LSAMP: variants seen among roughly 807,000 people sequenced by gnomAD.
LSAMP encodes the protein limbic system associated membrane protein.
A neutral mutation model predicts 38.6 loss-of-function variants in LSAMP; 7 were observed. That is an observed-to-expected ratio of 0.18 (90% CI 0.10 to 0.34). LSAMP has a LOEUF of 0.34. Among genes scored for constraint, LSAMP ranks in the 10% least tolerant of loss-of-function variants. The probability of loss-of-function intolerance (pLI) is 1.00; values close to 1 mark genes in which losing one functional copy is unlikely to be tolerated. For synonymous variants in LSAMP, 154 were observed against 166.8 expected, an observed-to-expected ratio of 0.92 and a Z score of 0.59; for missense variants, 313 against 420.0, an observed-to-expected ratio of 0.75 and a Z score of 2.23.
intron 1 of LSAMP, among the ~76,000 whole-genome samples, chr3:116,308,228 T>A (rs1290204117): frequency 6.6e-6 from 1 of 151,954 alleles, no homozygotes; most frequent in African/African-American, 2.4e-5. Flanking sequence ...CAGGACAAGC[T>A]CCCTCTAGAC....
At chr3:115,879,396 C>G (rs1936265976) in intron 3 of LSAMP, among the ~76,000 whole-genome samples, 1 of 152,064 alleles carries the variant, frequency 6.6e-6, no homozygotes. Flanking sequence ...AAGTTCCACT[C>G]CAGTCACTGA....
intron 3 of LSAMP, among the ~76,000 whole-genome samples, chr3:115,876,278 CTTTT>C (rs58536199): frequency 5.7e-5 from 7 of 123,262 alleles, no homozygotes; most frequent in African/African-American, 2.0e-4. Context: ...AAGGAAAAAG[CTTTT>C]TTTTTTTTTT....
chr3:116,421,121 G>A (rs922762340), intron 1 of LSAMP, among the ~76,000 whole-genome samples: 1 of 152,032 alleles, frequency 6.6e-6, no homozygotes, highest in Non-Finnish European at 1.5e-5. Flanking sequence ...TTTGAGTCTA[G>A]GCAAAAAGTT....
chr3:116,033,970 A>G (rs1277420945), intron 2 of LSAMP, among the ~76,000 whole-genome samples: 5 of 152,070 alleles, frequency 3.3e-5, no homozygotes, highest in Admixed American at 3.3e-4. Flanking sequence ...TAGCTTTTCC[A>G]TAGGGTCTGG....
At chr3:116,234,961 A>G (rs972177142) in intron 1 of LSAMP, among the ~76,000 whole-genome samples, 1 of 152,192 alleles carries the variant, frequency 6.6e-6, no homozygotes, top group Non-Finnish European at 1.5e-5. Context: ...GAAGTCCTAT[A>G]AGAAAGACTT....
intron 1 of LSAMP, among the ~76,000 whole-genome samples, chr3:116,397,483 C>T (rs1436875777): frequency 6.7e-6 from 1 of 148,736 alleles, no homozygotes; most frequent in Admixed American, 6.9e-5. Flanking sequence ...CACTATCTAA[C>T]ATAATATTTA....
rs1933609634 is a variant in LSAMP, at chr3:115,805,465, T to C, written c.*4852A>G. The C allele has an allele frequency of 6.6e-6, 1 of 152,234 alleles. No individual in the cohort carries two copies. Among genetic ancestry groups the C allele is most frequent in the South Asian group, 2.1e-4 (1 of 4,836 alleles). 9.4% of individuals were successfully genotyped at this position (152,234 alleles called of 1,614,324 possible). A position where few individuals can be genotyped will look rare whatever the true frequency, so the allele number is the denominator to read the frequency against. ...CATGAAAAATGAAGTTTACATAGTT[T>C]ATATTATGTACATAAACTAGTGATT... On this transcript the variant is annotated 3_prime_UTR_variant, in exon 7 of 7. Coordinates refer to ENST00000490035, the MANE Select transcript of LSAMP (RefSeq NM_002338.5).
chr3:115,915,226 G>C (rs1937224897), intron 3 of LSAMP, among the ~76,000 whole-genome samples: 1 of 152,162 alleles, frequency 6.6e-6, no homozygotes, highest in Non-Finnish European at 1.5e-5. Flanking sequence ...ACTTTTCTGA[G>C]ACAACTCCCA....
At chr3:116,115,217 G>A (rs1459711065) in intron 1 of LSAMP, among the ~76,000 whole-genome samples, 1 of 152,242 alleles carries the variant, frequency 6.6e-6, no homozygotes, top group African/African-American at 2.4e-5. Flanking sequence ...GCTGAAAGGG[G>A]CTTTAATAAT....
intron 1 of LSAMP, among the ~76,000 whole-genome samples, chr3:116,386,886 T>C (rs1259410975): frequency 1.3e-5 from 2 of 152,094 alleles, no homozygotes; most frequent in Non-Finnish European, 2.9e-5. Context: ...AGAATTTTGA[T>C]AGATGGAGGC....
intron 3 of LSAMP, among the ~76,000 whole-genome samples, chr3:115,859,700 A>C (rs1020881765): frequency 6.6e-6 from 1 of 152,246 alleles, no homozygotes; most frequent in Non-Finnish European, 1.5e-5. Flanking sequence ...CAAATGAAAA[A>C]GAACATCCTG....
chr3:116,301,105 TGAAAG>T (rs971320198), intron 1 of LSAMP, among the ~76,000 whole-genome samples: 4 of 151,942 alleles, frequency 2.6e-5, no homozygotes, highest in African/African-American at 7.3e-5. Flanking sequence ...TATTTGGAAA[TGAAAG>T]GGAAGAAAGA....
intron 1 of LSAMP, among the ~76,000 whole-genome samples, chr3:116,246,837 T>G (rs565546629): frequency 1.3e-5 from 2 of 152,248 alleles, no homozygotes; most frequent in Admixed American, 1.3e-4. Flanking sequence ...ACTGAGAGAC[T>G]TTCTCATACT....
At chr3:115,889,485 T>G (rs1279114166) in intron 3 of LSAMP, among the ~76,000 whole-genome samples, 3 of 151,808 alleles carry the variant, frequency 2.0e-5, no homozygotes, top group Non-Finnish European at 4.4e-5. Flanking sequence ...AGTCTGGTGG[T>G]AGATCCAAGT....
At chr3:115,952,738 G>A (rs1456256455) in intron 3 of LSAMP, among the ~76,000 whole-genome samples, 2 of 152,044 alleles carry the variant, frequency 1.3e-5, no homozygotes, top group African/African-American at 4.8e-5. Flanking sequence ...AGAAGTCCTG[G>A]TGTTCTCTTA....
intron 1 of LSAMP, among the ~76,000 whole-genome samples, chr3:116,338,771 A>T (rs1241244813): frequency 6.6e-6 from 1 of 152,044 alleles, no homozygotes; most frequent in Non-Finnish European, 1.5e-5. Flanking sequence ...AAGGAAGCTG[A>T]CAAGGCTCTT....
intron 3 of LSAMP, among the ~76,000 whole-genome samples, chr3:115,964,114 G>A (rs1938718220): frequency 6.6e-6 from 1 of 152,158 alleles, no homozygotes; most frequent in African/African-American, 2.4e-5. Flanking sequence ...GTGTTCAATT[G>A]ACAGTTTTTG....
chr3:116,166,781 T>G (rs1328124176), intron 1 of LSAMP, among the ~76,000 whole-genome samples: 1 of 147,598 alleles, frequency 6.8e-6, no homozygotes, highest in Non-Finnish European at 1.5e-5. Context: ...TTTTAGTTTT[T>G]TTTTTGTTTT....
chr3:116,211,024 A>G (rs1320279095), intron 1 of LSAMP, among the ~76,000 whole-genome samples: 4 of 152,154 alleles, frequency 2.6e-5, no homozygotes, highest in Non-Finnish European at 4.4e-5. Flanking sequence ...ACAAAAACAA[A>G]TCCTGACATT....
Sources: gnomAD v4.1 joint callset for allele counts (sites outside exome capture counted in the v4.1 genomes callset) on GRCh38, gnomAD v4.1.1 for gene constraint, MANE v1.5 for transcripts, NCBI Gene and HGNC (gene_info 2026-07-23, HGNC 2026-07-21) for gene names.